The following DCLK1 variants were observed in gnomAD, a reference collection of about 807,000 sequenced individuals.
DCLK1 encodes the protein serine/threonine-protein kinase DCLK1.
DCLK1 carries 16 observed loss-of-function variants against 86.2 expected under a neutral mutation model. The ratio of observed to expected loss-of-function variants is 0.19; its 90% CI spans 0.13 to 0.28. The LOEUF (loss-of-function observed/expected upper bound fraction) is 0.28, where lower values mean the gene tolerates loss of function less well. Ranked by LOEUF, DCLK1 falls within the 10% of genes least tolerant of loss-of-function variation. The pLI, the probability that DCLK1 is intolerant of heterozygous loss-of-function variation, is 1.00. For missense variants in DCLK1, 590 were observed against 940.2 expected (o/e 0.63, Z 4.87); for synonymous variants, 369 against 370.5 (o/e 1.00, Z 0.05).
intron 3 of DCLK1, among the ~76,000 whole-genome samples, chr13:35,967,662 T>C (rs1394757662): frequency 1.3e-5 from 2 of 151,980 alleles, no homozygotes; most frequent in Non-Finnish European, 2.9e-5. Context: ...CTCCCTAATC[T>C]CAAGTACCCA....
intron 3 of DCLK1, among the ~76,000 whole-genome samples, chr13:36,072,573 CAACT>C (rs2153161698): frequency 6.6e-6 from 1 of 152,346 alleles, no homozygotes; most frequent in African/African-American, 2.4e-5. Flanking sequence ...TTCTCTGGTA[CAACT>C]AACAAGAGAT....
chr13:35,928,819 C>T (rs2153128421), intron 4 of DCLK1, among the ~76,000 whole-genome samples: 1 of 152,330 alleles, frequency 6.6e-6, no homozygotes, highest in African/African-American at 2.4e-5. Flanking sequence ...TGTTAATTGT[C>T]TATAAGCCCT....
chr13:35,930,631 CA>C (rs150052089), intron 4 of DCLK1, among the ~76,000 whole-genome samples: 1 of 151,580 alleles, frequency 6.6e-6, no homozygotes, highest in Non-Finnish European at 1.5e-5. Flanking sequence ...CAAACAAAAA[CA>C]AAAAAAACAA....
At chr13:36,084,881 T>A (rs558686005) in intron 3 of DCLK1, among the ~76,000 whole-genome samples, 39 of 152,330 alleles carry the variant, frequency 2.6e-4, no homozygotes, top group Non-Finnish European at 2.9e-5. Flanking sequence ...AAAATTGTTA[T>A]ACCATTTTCA....
At chr13:36,006,948 G>C (rs1880998276) in intron 3 of DCLK1, among the ~76,000 whole-genome samples, 1 of 152,208 alleles carries the variant, frequency 6.6e-6, no homozygotes, top group South Asian at 2.1e-4. Context: ...TGTCTGAATT[G>C]CTGTTTCCTG....
chr13:35,880,706 T>A (rs1872837432), intron 4 of DCLK1, among the ~76,000 whole-genome samples: 1 of 152,198 alleles, frequency 6.6e-6, no homozygotes, highest in African/African-American at 2.4e-5. Flanking sequence ...CATTAAAACG[T>A]GTCCCAGAAG....
intron 3 of DCLK1, among the ~76,000 whole-genome samples, chr13:36,003,440 G>T (rs150715824): frequency 2.0e-5 from 3 of 152,086 alleles, no homozygotes; most frequent in Non-Finnish European, 4.4e-5. Flanking sequence ...GCAATTTTAC[G>T]ACATATAACC....
At chr13:35,780,138 G>C (rs2086500165) in intron 16 of DCLK1, among the ~76,000 whole-genome samples, 1 of 152,086 alleles carries the variant, frequency 6.6e-6, no homozygotes. Context: ...TTGTGTGTGT[G>C]TGTATGGCTA....
intron 16 of DCLK1, among the ~76,000 whole-genome samples, chr13:35,793,041 C>T (rs1308547371): frequency 6.6e-6 from 1 of 152,162 alleles, no homozygotes; most frequent in African/African-American, 2.4e-5. Flanking sequence ...ACACTATGAA[C>T]TCTTTTTCTT....
At chr13:36,051,471 C>CA (rs1883120775) in intron 3 of DCLK1, among the ~76,000 whole-genome samples, 1 of 152,022 alleles carries the variant, frequency 6.6e-6, no homozygotes, top group South Asian at 2.1e-4. Context: ...TCTTTAACAA[C>CA]ACATAAGTAC....
Position 36,131,367 on chromosome 13 carries a change from A to T in DCLK1, c.-273T>A. 1 of 193,700 alleles carries T rather than the reference A, an allele frequency of 5.2e-6. No individual in the cohort carries two copies. Among genetic ancestry groups the T allele is most frequent in the Non-Finnish European group, 1.0e-5 (1 of 98,256 alleles). The allele number at this position is 193,700 out of a possible 1,614,324, so 12.0% of individuals were successfully genotyped here. Reference sequence around the variant, plus strand: ...CAGCCTCACTCCAGCCTCTCTCTCCAGAGGAGGGCGGCGGCGGCGGCGGCG... The same window carrying T: ...CAGCCTCACTCCAGCCTCTCTCTCCTGAGGAGGGCGGCGGCGGCGGCGGCG... On this transcript the variant is annotated 5_prime_UTR_variant, in exon 1 of 17. Transcript: ENST00000360631.
intron 4 of DCLK1, among the ~76,000 whole-genome samples, chr13:35,942,398 C>T (rs983745416): frequency 6.6e-6 from 1 of 152,132 alleles, no homozygotes; most frequent in South Asian, 2.1e-4. Context: ...GATCTCCTGA[C>T]TTCGTGATTC....
intron 4 of DCLK1, among the ~76,000 whole-genome samples, chr13:35,910,781 C>T (rs961384648): frequency 1.5e-4 from 23 of 152,206 alleles, no homozygotes; most frequent in Admixed American, 8.5e-4. Flanking sequence ...AGGCAGGAAG[C>T]GGGGAATTTG....
intron 3 of DCLK1, among the ~76,000 whole-genome samples, chr13:36,056,478 AG>A (rs1467302723): frequency 1.3e-4 from 10 of 77,942 alleles, no homozygotes; most frequent in South Asian, 5.9e-4. Flanking sequence ...GGGAGGGGGG[AG>A]GGGGGAGGGA....
At chr13:35,877,375 A>G (rs1872649265) in intron 4 of DCLK1, among the ~76,000 whole-genome samples, 1 of 152,232 alleles carries the variant, frequency 6.6e-6, no homozygotes, top group Admixed American at 6.5e-5. Flanking sequence ...GTGCTGAAGA[A>G]TAGAAACGGT....
At chr13:35,950,168 A>T (rs1280135116) in intron 3 of DCLK1, among the ~76,000 whole-genome samples, 1 of 152,174 alleles carries the variant, frequency 6.6e-6, no homozygotes, top group Admixed American at 6.5e-5. Flanking sequence ...ACTTTATAAA[A>T]CCGCTCCTTG....
chr13:35,886,164 A>C (rs1051835321), intron 4 of DCLK1, among the ~76,000 whole-genome samples: 8 of 151,960 alleles, frequency 5.3e-5, no homozygotes, highest in African/African-American at 1.9e-4. Context: ...GGCACATGCC[A>C]CCATGCCTGG....
chr13:35,910,108 C>G (rs1208244348), intron 4 of DCLK1, among the ~76,000 whole-genome samples: 2 of 152,134 alleles, frequency 1.3e-5, no homozygotes, highest in African/African-American at 4.8e-5. Context: ...TCCAGCTCCT[C>G]TAAGTTGAAT....
rs1878706149 is a variant in DCLK1 at position 35,965,825 on chromosome 13, T to C, written c.724-18368A>G. Among the ~76,000 whole-genome samples the C allele has an allele frequency of 2.0e-5, 3 of 152,272 alleles. 1 individual carries two copies. The South Asian group carries it at 6.2e-4, about 32-fold the overall frequency. ...TTTTGTTTTGTGCTGTGCCCAATCT[T>C]AGAAATACTGTTCAGAGCCATATAC... is the stretch of plus-strand genomic sequence containing the variant. On this transcript the variant is annotated intron_variant, in intron 3 of 16. Transcript: ENST00000360631.
Sources: gnomAD v4.1 joint callset for allele counts (sites outside exome capture counted in the v4.1 genomes callset) on GRCh38, gnomAD v4.1.1 for gene constraint, MANE v1.5 for transcripts, NCBI Gene and HGNC (gene_info 2026-07-23, HGNC 2026-07-21) for gene names.